The following CAST variants were observed in gnomAD, a reference collection of about 807,000 sequenced individuals.
CAST encodes MIR583 host.
CAST carries 76 observed loss-of-function variants against 119.6 expected under a neutral mutation model. The observed-to-expected ratio is 0.64, with a 90% CI of 0.53 to 0.77. The LOEUF (loss-of-function observed/expected upper bound fraction) is 0.77. Among genes scored for constraint, CAST ranks in the 30% least tolerant of loss-of-function variants. CAST has a pLI of 0.00. For missense variants in CAST, 953 were observed against 946.5 expected (o/e 1.01, Z -0.09); for synonymous variants, 319 against 331.6 (o/e 0.96, Z 0.41).
At chr5:96,280,145 C>T in the CAST span, among the ~76,000 whole-genome samples, 1 of 152,054 alleles carries the variant, frequency 6.6e-6, no homozygotes, top group Non-Finnish European at 1.5e-5. Flanking sequence ...CTACTGGTGC[C>T]ATAATGAACA....
At chr5:96,633,467 TG>T (rs1401768366) in intron 1 of CAST, among the ~76,000 whole-genome samples, 3 of 152,242 alleles carry the variant, frequency 2.0e-5, no homozygotes, top group African/African-American at 7.2e-5. Flanking sequence ...TTAATTCTTT[TG>T]ATGCCATTTA....
chr5:96,357,343 C>T, the CAST span, among the ~76,000 whole-genome samples: 1 of 152,286 alleles, frequency 6.6e-6, no homozygotes, highest in East Asian at 1.9e-4. Context: ...TGCCCGATTG[C>T]CCTGGTCAGA....
Position 96,757,584 on chromosome 5 carries a change from C to T in CAST, c.1763C>T (p.Pro588Leu), listed in dbSNP as rs765166303. The change falls in exon 24 of 32, where the codon CCC becomes CTC. Residue 588 changes from proline (P) to leucine (L), a missense_variant and splice_region_variant. Pro to Leu is a moderately conservative substitution (Grantham distance 98). Transcript: ENST00000675179. ...LPKESKEQLP[P>L]MSEDFLLDAL... ...TGATACATTTCCTGGTTCTTGCAGC[C>T]CATGAGTGAAGACTTCCTTCTGGAT... The T allele has an allele frequency of 6.2e-7, 1 of 1,613,592 alleles. No individual in the cohort carries two copies. Among genetic ancestry groups the T allele is most frequent in the Non-Finnish European group, 8.5e-7 (1 of 1,179,566 alleles).
the CAST span, among the ~76,000 whole-genome samples, chr5:96,426,516 A>G: frequency 2.6e-5 from 4 of 152,188 alleles, no homozygotes; most frequent in Non-Finnish European, 5.9e-5. Flanking sequence ...AATGAGCACT[A>G]CTGACCACGC....
chr5:96,442,957 C>G, the CAST span, among the ~76,000 whole-genome samples: 2 of 151,938 alleles, frequency 1.3e-5, no homozygotes, highest in Non-Finnish European at 2.9e-5. Context: ...TCATTCTTTT[C>G]TTTTTTCTCC....
the CAST span, among the ~76,000 whole-genome samples, chr5:96,315,295 A>G: frequency 1.3e-5 from 2 of 152,224 alleles, no homozygotes; most frequent in Non-Finnish European, 1.5e-5. Flanking sequence ...CTGAAGTTCA[A>G]GTTTAACTAC....
chr5:96,482,423 A>G, the CAST span, among the ~76,000 whole-genome samples: 7 of 151,564 alleles, frequency 4.6e-5, no homozygotes, highest in Non-Finnish European at 1.0e-4. Context: ...ATAAGGATAC[A>G]ATAATGAAAA....
intron 1 of CAST, among the ~76,000 whole-genome samples, chr5:96,534,743 A>AGAGAGAGAGAGAGAAAG (rs1554066267): frequency 3.5e-5 from 2 of 56,556 alleles, no homozygotes; most frequent in African/African-American, 8.2e-5. Flanking sequence ...GAGAGAGAGA[A>AGAGAGAGAGAGAGAAAG]AGAAAGAAAG....
chr5:96,637,731 TA>T (rs1474609367), intron 1 of CAST, among the ~76,000 whole-genome samples: 2 of 152,232 alleles, frequency 1.3e-5, no homozygotes, highest in African/African-American at 4.8e-5. Flanking sequence ...TTTTCTTTTT[TA>T]TTAATCACTA....
intron 1 of CAST, among the ~76,000 whole-genome samples, chr5:96,566,998 C>T (rs1343058673): frequency 6.6e-6 from 1 of 152,182 alleles, no homozygotes; most frequent in East Asian, 1.9e-4. Flanking sequence ...CTTTCATCTG[C>T]ACAAGAAGGG....
At chr5:96,127,638 T>C in the CAST span, among the ~76,000 whole-genome samples, 1 of 152,130 alleles carries the variant, frequency 6.6e-6, no homozygotes, top group Non-Finnish European at 1.5e-5. Flanking sequence ...AAAATGTTTC[T>C]TCTCTCTTTT....
chr5:96,747,278 A>G, intron 17 of CAST, 67 bp from the exon 18 acceptor site: 7 of 879,468 alleles, frequency 8.0e-6, no homozygotes, highest in Non-Finnish European at 1.3e-5. Flanking sequence ...TCCCAGAAAC[A>G]AACTTGATGG....
chr5:96,517,829 T>C, the CAST span, among the ~76,000 whole-genome samples: 2 of 152,244 alleles, frequency 1.3e-5, no homozygotes, highest in African/African-American at 4.8e-5. Flanking sequence ...ACAAGTTCTA[T>C]AGCGTTGTGA....
At chr5:96,233,898 AT>A in the CAST span, among the ~76,000 whole-genome samples, 42 of 152,050 alleles carry the variant, frequency 2.8e-4, no homozygotes, top group Non-Finnish European at 4.9e-4. Context: ...AATAATCTTA[AT>A]TTTTTTCTAA....
At chr5:96,394,311 C>T in the CAST span, among the ~76,000 whole-genome samples, 7 of 152,292 alleles carry the variant, frequency 4.6e-5, no homozygotes, top group South Asian at 4.1e-4. Context: ...GGAATGTGAA[C>T]GACTTATTTT....
At chr5:96,124,304 G>A in the CAST span, among the ~76,000 whole-genome samples, 3 of 152,102 alleles carry the variant, frequency 2.0e-5, no homozygotes, top group African/African-American at 7.2e-5. Flanking sequence ...GAATCCTCCT[G>A]CCTCAGCCTC....
At chr5:96,182,581 T>C in the CAST span, among the ~76,000 whole-genome samples, 1 of 152,238 alleles carries the variant, frequency 6.6e-6, no homozygotes, top group East Asian at 1.9e-4. Context: ...TGGTATTATA[T>C]GTCAGACTTA....
the CAST span, among the ~76,000 whole-genome samples, chr5:96,165,463 T>C: frequency 6.9e-3 from 1,052 of 152,326 alleles, 9 homozygotes; most frequent in South Asian, 0.038. Flanking sequence ...TTTCTTCTTT[T>C]TCCCTGCTGA....
the CAST span, among the ~76,000 whole-genome samples, chr5:96,148,342 G>A: frequency 1.3e-5 from 2 of 152,058 alleles, no homozygotes; most frequent in South Asian, 2.1e-4. Context: ...CTGTCTGTTC[G>A]GCACACTAAA....
Sources: allele counts gnomAD v4.1 joint callset (sites outside exome capture counted in the v4.1 genomes callset), GRCh38; gene constraint gnomAD v4.1.1; transcripts MANE v1.5; gene names NCBI Gene and HGNC (gene_info 2026-07-23, HGNC 2026-07-21).